HDAC8: variants seen among roughly 807,000 people sequenced by gnomAD.
The protein encoded by HDAC8 is histone deacetylase 8.
HDAC8 carries 1 observed loss-of-function variant against 32.2 expected under a neutral mutation model. The observed-to-expected ratio is 0.03, with a 90% CI of 0.01 to 0.15. The LOEUF (loss-of-function observed/expected upper bound fraction) is 0.15. Ranked by LOEUF, HDAC8 falls within the 10% of genes least tolerant of loss-of-function variation. The pLI is 1.00. For synonymous variants in HDAC8, 108 were observed against 113.9 expected (o/e 0.95, Z 0.33); for missense variants, 117 against 300.0 (o/e 0.39, Z 4.51).
chrX:72,485,847 C>T (rs1051808867), intron 7 of HDAC8, among the ~76,000 whole-genome samples: 2 of 111,408 alleles, frequency 1.8e-5, no homozygotes, highest in South Asian at 7.6e-4. Context: ...AGGGGCTAGG[C>T]GTGGTGGCTC....
intron 9 of HDAC8, among the ~76,000 whole-genome samples, chrX:72,361,536 A>G (rs1238558081): frequency 9.0e-6 from 1 of 111,094 alleles, no homozygotes; most frequent in Non-Finnish European, 1.9e-5. Flanking sequence ...CATTAGCTAA[A>G]GTACTTAGAG....
At chrX:72,352,820 C>G (rs2044221470) in intron 9 of HDAC8, among the ~76,000 whole-genome samples, 1 of 111,747 alleles carries the variant, frequency 8.9e-6, no homozygotes. Flanking sequence ...GTAGGGCTGA[C>G]TTGGGGAAAA....
chrX:72,399,568 G>A (rs868923569), intron 9 of HDAC8, among the ~76,000 whole-genome samples: 1 of 111,695 alleles, frequency 9.0e-6, no homozygotes, highest in Non-Finnish European at 1.9e-5. Context: ...TATATTGATT[G>A]CAAAGGATAT....
intron 10 of HDAC8, among the ~76,000 whole-genome samples, chrX:72,335,867 C>G (rs1332658979): frequency 4.6e-5 from 5 of 107,579 alleles, no homozygotes; most frequent in African/African-American, 1.7e-4. Flanking sequence ...TATGATTGTG[C>G]CACTGCACTC....
At chrX:72,538,696 T>G (rs1346580155) in intron 4 of HDAC8, among the ~76,000 whole-genome samples, 2 of 111,729 alleles carry the variant, frequency 1.8e-5, no homozygotes, top group Non-Finnish European at 3.8e-5. Context: ...CTCTGGAGTC[T>G]ATACTGTATT....
chrX:72,473,720 C>T (rs984041031), intron 7 of HDAC8: 85 of 752,409 alleles, frequency 1.1e-4, no homozygotes, highest in Middle Eastern at 7.5e-4. Context: ...GCCACTTTAC[C>T]CACATTATGT....
chrX:72,351,730 C>A lies in HDAC8; in HGVS notation c.1111+3G>T. On this transcript the variant is annotated splice_donor_region_variant and intron_variant, in intron 10 of 10. Coordinates refer to ENST00000373573, the MANE Select transcript of HDAC8 (RefSeq NM_018486.3). Reference sequence around the variant, plus strand: ...AGGGCAGGCCTCGAGGGGCGGTGCTCACCTTTGATGTAGTTGAGGATTTGT... The same window carrying A: ...AGGGCAGGCCTCGAGGGGCGGTGCTAACCTTTGATGTAGTTGAGGATTTGT... The A allele has an allele frequency of 6.7e-6, 8 of 1,196,822 alleles. No individual in the cohort carries two copies. Among genetic ancestry groups the A allele is most frequent in the Non-Finnish European group, 9.1e-6 (8 of 882,037 alleles).
At chrX:72,537,898 GATT>G (rs2050580672) in intron 4 of HDAC8, among the ~76,000 whole-genome samples, 1 of 111,802 alleles carries the variant, frequency 8.9e-6, no homozygotes, top group Admixed American at 9.5e-5. Flanking sequence ...TGAAACTAAT[GATT>G]ATCAGAAGAA....
chrX:72,381,688 G>GT (rs2045270322), intron 9 of HDAC8, among the ~76,000 whole-genome samples: 1 of 112,298 alleles, frequency 8.9e-6, no homozygotes, highest in Non-Finnish European at 1.9e-5. Context: ...TAGCAACCCT[G>GT]TGTTTGTATA....
intron 4 of HDAC8, among the ~76,000 whole-genome samples, chrX:72,538,125 G>T (rs1311807879): frequency 9.0e-6 from 1 of 110,616 alleles, no homozygotes; most frequent in Non-Finnish European, 1.9e-5. Context: ...AGGTAAAGCT[G>T]TGGAATAATG....
At chrX:72,418,052 A>T (rs1012025675) in intron 9 of HDAC8, among the ~76,000 whole-genome samples, 11 of 111,923 alleles carry the variant, frequency 9.8e-5, no homozygotes, top group Middle Eastern at 4.6e-3. Context: ...CCATATACAA[A>T]AATTAACTCA....
chrX:72,356,329 T>C (rs888963318), intron 9 of HDAC8, among the ~76,000 whole-genome samples: 33 of 110,762 alleles, frequency 3.0e-4, no homozygotes, highest in African/African-American at 1.1e-3. Flanking sequence ...ATTTCAGGTA[T>C]TGAAGTGAAT....
At chrX:72,337,994 G>A (rs902129760) in intron 10 of HDAC8, among the ~76,000 whole-genome samples, 2 of 111,710 alleles carry the variant, frequency 1.8e-5, no homozygotes, top group Admixed American at 9.5e-5. Flanking sequence ...TTGAGTCGAC[G>A]AGTCTCAACC....
intron 4 of HDAC8, among the ~76,000 whole-genome samples, chrX:72,548,146 G>C (rs2050924513): frequency 9.0e-6 from 1 of 111,564 alleles, no homozygotes; most frequent in Admixed American, 9.5e-5. Context: ...ATCTAACCGT[G>C]TTACTTCCTA....
At position 72,386,822 on chromosome X, in the gene HDAC8, G is replaced by C. The variant is rs563276717; in HGVS notation, c.1006-34984C>G. On this transcript the variant is annotated intron_variant, in intron 9 of 10. Transcript: ENST00000373573. ...TACCCTGTGTCATCTCTACTCTTCA[G>C]AACATTCTCAAAATCTAAACAAAAC... Among the ~76,000 whole-genome samples the C allele has an allele frequency of 2.8e-4, 31 of 111,859 alleles. No individual in the cohort carries two copies. The South Asian group carries it at 0.012, about 43-fold the overall frequency.
At chrX:72,522,098 A>G (rs1228314897) in intron 4 of HDAC8, among the ~76,000 whole-genome samples, 1 of 112,273 alleles carries the variant, frequency 8.9e-6, no homozygotes, top group Admixed American at 9.4e-5. Context: ...GGTGAAACCC[A>G]ACAGGCACAC....
At chrX:72,540,694 C>G (rs1052746110) in intron 4 of HDAC8, among the ~76,000 whole-genome samples, 6 of 111,830 alleles carry the variant, frequency 5.4e-5, no homozygotes, top group Non-Finnish European at 1.1e-4. Flanking sequence ...TGATATCTGT[C>G]AAGATATTAC....
chrX:72,438,634 T>A (rs2047024136), intron 9 of HDAC8, among the ~76,000 whole-genome samples: 1 of 110,911 alleles, frequency 9.0e-6, no homozygotes. Flanking sequence ...CTGATGGAGC[T>A]GAAAAACACA....
At chrX:72,358,470 A>G (rs1405469864) in intron 9 of HDAC8, among the ~76,000 whole-genome samples, 3 of 111,943 alleles carry the variant, frequency 2.7e-5, no homozygotes, top group Non-Finnish European at 5.6e-5. Context: ...GACAGCTACT[A>G]AGTGACTAAT....
Sources: allele counts gnomAD v4.1 joint callset (sites outside exome capture counted in the v4.1 genomes callset), GRCh38; gene constraint gnomAD v4.1.1; transcripts MANE v1.5; gene names NCBI Gene and HGNC (gene_info 2026-07-23, HGNC 2026-07-21).